Variants in RSRC1 observed in about 807,000 individuals in gnomAD.
RSRC1 encodes the protein serine/Arginine-related protein 53.
RSRC1 carries 39 observed loss-of-function variants against 49.1 expected under a neutral mutation model. That is an observed-to-expected ratio of 0.79 (90% CI 0.61 to 1.04). The LOEUF is 1.04. Among genes scored for constraint, RSRC1 ranks in the 50% least tolerant of loss-of-function variants. The probability of loss-of-function intolerance (pLI) is 0.00; values close to 1 mark genes in which losing one functional copy is unlikely to be tolerated. For missense variants in RSRC1, 388 were observed against 402.4 expected, an observed-to-expected ratio of 0.96 and a Z score of 0.31; for synonymous variants, 143 against 130.8, an observed-to-expected ratio of 1.09 and a Z score of -0.63.
intron 6 of RSRC1, among the ~76,000 whole-genome samples, chr3:158,432,939 AC>A (rs1251778775): frequency 6.6e-6 from 1 of 151,890 alleles, no homozygotes; most frequent in African/African-American, 2.4e-5. Context: ...CAAACTAACA[AC>A]AGAAATTCAA....
At chr3:158,162,662 A>G (rs187908479) in intron 3 of RSRC1, among the ~76,000 whole-genome samples, 14 of 152,322 alleles carry the variant, frequency 9.2e-5, no homozygotes, top group Non-Finnish European at 1.8e-4. Context: ...ATATTGATAC[A>G]GGGCCTGGAG....
intron 6 of RSRC1, among the ~76,000 whole-genome samples, chr3:158,367,977 T>G (rs1280959577): frequency 6.6e-6 from 1 of 152,180 alleles, no homozygotes; most frequent in Non-Finnish European, 1.5e-5. Flanking sequence ...GTAAGTTGTT[T>G]GTTTTAACAT....
chr3:158,168,650 G>A (rs986008903), intron 3 of RSRC1, among the ~76,000 whole-genome samples: 16 of 151,948 alleles, frequency 1.1e-4, no homozygotes, highest in Non-Finnish European at 1.9e-4. Flanking sequence ...GTTACTATTC[G>A]TTAAGATTAT....
chr3:158,150,365 T>C (rs1717445155), intron 3 of RSRC1, among the ~76,000 whole-genome samples: 1 of 152,200 alleles, frequency 6.6e-6, no homozygotes, highest in South Asian at 2.1e-4. Context: ...ATTTACTTTG[T>C]ATTTGGGGGA....
At chr3:158,357,299 G>A (rs1731211753) in intron 6 of RSRC1, among the ~76,000 whole-genome samples, 1 of 152,144 alleles carries the variant, frequency 6.6e-6, no homozygotes. Flanking sequence ...AGTAATTGCA[G>A]TTTTGGCAAA....
chr3:158,494,609 A>C (rs577581431), intron 7 of RSRC1, among the ~76,000 whole-genome samples: 173 of 152,338 alleles, frequency 1.1e-3, no homozygotes, highest in Middle Eastern at 3.4e-3. Flanking sequence ...CTTCTGCAAT[A>C]ACACTTAAAA....
rs967167040 is a variant in RSRC1 at position 158,522,736 on chromosome 3, T to C, written c.653-14356T>C. 7.9e-5 allele frequency among the ~76,000 whole-genome samples: 12 copies of C among 152,156 alleles called. 1 individual carries two copies. Among genetic ancestry groups the C allele is most frequent in the Admixed American group, 6.5e-5 (1 of 15,270 alleles). On this transcript the variant is annotated intron_variant, in intron 7 of 9. Transcript: ENST00000611884. ...GAGATCTCTCCATGCTTCATTTTTT[T>C]TCCCTGGACAGTTAGAATTTTCCCT... is the stretch of plus-strand genomic sequence containing the variant.
chr3:158,224,196 T>G (rs1466061336), intron 4 of RSRC1, among the ~76,000 whole-genome samples: 4 of 151,832 alleles, frequency 2.6e-5, no homozygotes, highest in African/African-American at 9.7e-5. Flanking sequence ...AAATCTCAGG[T>G]TTCTTCATCA....
intron 4 of RSRC1, among the ~76,000 whole-genome samples, chr3:158,204,615 C>A (rs768439768): frequency 6.6e-6 from 1 of 152,014 alleles, no homozygotes; most frequent in Non-Finnish European, 1.5e-5. Context: ...ATGATAAATT[C>A]GAAGGGAGGA....
At chr3:158,214,354 T>G (rs1354818156) in intron 4 of RSRC1, among the ~76,000 whole-genome samples, 1 of 151,860 alleles carries the variant, frequency 6.6e-6, no homozygotes, top group Non-Finnish European at 1.5e-5. Flanking sequence ...CATATCCTGA[T>G]TTTTTGAGTA....
In RSRC1 at chr3:158,460,919, A is replaced by T. The variant is rs1246395390; in HGVS notation, c.584-16A>T. 1.3e-6 allele frequency: 2 copies of T among 1,560,046 alleles called. No individual in the cohort carries two copies. The highest frequency in any genetic ancestry group is 3.6e-5 in the Admixed American group (2 of 55,924). Reference sequence around the variant, plus strand: ...GGCATAAAATAAGTACAAAAATTGTATTGTTTTTGTTTCAGCAAAAGCTGA... The same window carrying T: ...GGCATAAAATAAGTACAAAAATTGTTTTGTTTTTGTTTCAGCAAAAGCTGA... On this transcript the variant is annotated splice_polypyrimidine_tract_variant and intron_variant, in intron 6 of 9. Coordinates refer to ENST00000611884, the MANE Select transcript of RSRC1 (RefSeq NM_001271838.2).
At position 158,126,105 on chromosome 3, in the gene RSRC1, T is replaced by C. The variant is rs146028019; in HGVS notation, c.320+2114T>C. Among the ~76,000 whole-genome samples, 66 of 152,264 alleles carry C rather than the reference T, an allele frequency of 4.3e-4. No individual in the cohort carries two copies. In the East Asian group the frequency reaches 0.013, roughly 29 times the overall value. On this transcript the variant is annotated intron_variant, in intron 3 of 9. Coordinates refer to ENST00000611884, the MANE Select transcript of RSRC1 (RefSeq NM_001271838.2). ...GTCTTTACATCTAAGGCACATCTTT[T>C]GTAAACAGCATATACTGTAATTGTA...
chr3:158,330,481 T>C (rs912496272), intron 5 of RSRC1, among the ~76,000 whole-genome samples: 3 of 152,204 alleles, frequency 2.0e-5, no homozygotes, highest in Non-Finnish European at 4.4e-5. Flanking sequence ...TAATATATAG[T>C]ACCCTACCAT....
chr3:158,334,474 C>A (rs1729746206), intron 5 of RSRC1, among the ~76,000 whole-genome samples: 1 of 127,768 alleles, frequency 7.8e-6, no homozygotes, highest in Admixed American at 9.0e-5. Flanking sequence ...GTCTCAATTT[C>A]TAACAGGAGA....
chr3:158,345,878 G>C (rs1314892442), intron 5 of RSRC1, among the ~76,000 whole-genome samples: 1 of 149,040 alleles, frequency 6.7e-6, no homozygotes, highest in Non-Finnish European at 1.5e-5. Flanking sequence ...ATGGTAAATT[G>C]ATTTTTGAGA....
At chr3:158,540,945 A>G (rs1712998280) in intron 8 of RSRC1, among the ~76,000 whole-genome samples, 1 of 152,198 alleles carries the variant, frequency 6.6e-6, no homozygotes, top group African/African-American at 2.4e-5. Context: ...GAGAAGGGAA[A>G]TAAAAGGTGA....
At chr3:158,416,204 A>G (rs76429850) in intron 6 of RSRC1, among the ~76,000 whole-genome samples, 4,279 of 150,446 alleles carry the variant, frequency 0.028, 205 homozygotes, top group African/African-American at 0.1. Context: ...CTCTTTTGCT[A>G]TCTTTCTTTG....
chr3:158,324,902 TG>T (rs1728991486), intron 5 of RSRC1, among the ~76,000 whole-genome samples: 1 of 152,346 alleles, frequency 6.6e-6, no homozygotes, highest in African/African-American at 2.4e-5. Context: ...TGCTGTTTCC[TG>T]ACTTTTTAAT....
intron 5 of RSRC1, among the ~76,000 whole-genome samples, chr3:158,349,448 C>T (rs6788703): frequency 0.52 from 79,361 of 151,862 alleles, 21,136 homozygotes; most frequent in African/African-American, 0.61. Context: ...TCTGTAAACC[C>T]AAGGCTTACA....
Sources: gnomAD v4.1 joint callset for allele counts (sites outside exome capture counted in the v4.1 genomes callset) on GRCh38, gnomAD v4.1.1 for gene constraint, MANE v1.5 for transcripts, NCBI Gene and HGNC (gene_info 2026-07-23, HGNC 2026-07-21) for gene names.